Variants in TEX14 observed in about 807,000 individuals in gnomAD.
TEX14 encodes the protein testis expressed 14, intercellular bridge forming factor.
TEX14 carries 168 observed loss-of-function variants against 178.6 expected under a neutral mutation model. That is an observed-to-expected ratio of 0.94 (90% confidence interval 0.83 to 1.07). TEX14 has a LOEUF of 1.07. TEX14 is among the 50% of genes least tolerant of loss of function. TEX14 has a pLI of 0.00. For synonymous variants in TEX14, 626 were observed against 634.1 expected, an observed-to-expected ratio of 0.99 and a Z score of 0.19; for missense variants, 1,730 against 1,753.6, an observed-to-expected ratio of 0.99 and a Z score of 0.24.
chr17:58,588,870 G>C (rs530682263), intron 15 of TEX14, among the ~76,000 whole-genome samples: 9 of 152,136 alleles, frequency 5.9e-5, no homozygotes, highest in Non-Finnish European at 1.2e-4. Context: ...GTCAAGGCCA[G>C]CTTGTACAAC....
At chr17:58,563,624 TATATATATATATA>T (rs2044317810) in intron 28 of TEX14, among the ~76,000 whole-genome samples, 1 of 3,206 alleles carries the variant, frequency 3.1e-4, no homozygotes, top group African/African-American at 1.6e-3. Context: ...CTCTAATTTA[TATATATATATATA>T]TATATATATA....
intron 11 of TEX14, 30 bp downstream of exon 11, chr17:58,604,948 T>A (rs771020465): frequency 6.2e-7 from 1 of 1,613,118 alleles, no homozygotes; most frequent in Non-Finnish European, 8.5e-7. Flanking sequence ...GAATAGGGAC[T>A]TTGGTCAACC....
intron 11 of TEX14, among the ~76,000 whole-genome samples, chr17:58,603,045 A>C (rs913511215): frequency 2.6e-5 from 4 of 151,886 alleles, no homozygotes; most frequent in Admixed American, 2.0e-4. Context: ...CAGCCTAGCA[A>C]CAAAAACAGA....
intron 13 of TEX14, 109 bp downstream of exon 13, chr17:58,601,697 A>G (rs1267885927): frequency 2.9e-5 from 32 of 1,090,896 alleles, no homozygotes; most frequent in Non-Finnish European, 4.2e-5. Flanking sequence ...TTATCTCACA[A>G]AACAAACAAG....
chr17:58,593,789 T>A, intron 14 of TEX14, 128 bp from the exon 15 acceptor site: 1 of 772,772 alleles, frequency 1.3e-6, no homozygotes, highest in Non-Finnish European at 2.1e-6. Flanking sequence ...GATTTTCCTT[T>A]GCATGTTTCC....
chr17:58,686,574 G>A (rs552045733), intron 1 of TEX14, among the ~76,000 whole-genome samples: 2 of 152,250 alleles, frequency 1.3e-5, no homozygotes, highest in South Asian at 4.1e-4. Flanking sequence ...TGCTTGCAAA[G>A]CAAACAGAAA....
chr17:58,584,989 T>C (rs973318007), intron 18 of TEX14, among the ~76,000 whole-genome samples: 6 of 152,236 alleles, frequency 3.9e-5, no homozygotes, highest in African/African-American at 1.4e-4. Flanking sequence ...CCTTCATTTT[T>C]TTTAACCTGT....
In TEX14 at chr17:58,565,004, GA is replaced by G. The variant is rs544625333; in HGVS notation, c.3965-37del. ...TTGAAAGAATTAACTTTATTAGAAC[GA>G]AAAAAAAATTGAGAAAGCTTGCCTT... On this transcript the variant is annotated intron_variant, in intron 27 of 31. Coordinates refer to ENST00000349033, the MANE Select transcript of TEX14 (RefSeq NM_031272.5). 3.9e-4 allele frequency: 533 copies of G among 1,354,650 alleles called. 1 individual carries two copies. In the East Asian group the frequency reaches 5.7e-3, roughly 15 times the overall value. 83.9% of individuals were successfully genotyped at this position (1,354,650 alleles called of 1,614,324 possible).
chr17:58,578,726 G>A (rs2044739562), intron 20 of TEX14, among the ~76,000 whole-genome samples: 1 of 152,214 alleles, frequency 6.6e-6, no homozygotes, highest in Non-Finnish European at 1.5e-5. Flanking sequence ...GAAGAGGTGG[G>A]TGGCCCAAGG....
At chr17:58,652,232 A>AT (rs1555580558) in intron 1 of TEX14, among the ~76,000 whole-genome samples, 6 of 152,264 alleles carry the variant, frequency 3.9e-5, no homozygotes, top group Non-Finnish European at 5.9e-5. Flanking sequence ...ACAAGTAAAA[A>AT]ATATATATAT....
In TEX14 at chr17:58,668,690, T is replaced by C. The variant is rs187310365; in HGVS notation, c.-1-16688A>G. Among the ~76,000 whole-genome samples the C allele has an allele frequency of 3.4e-4, 52 of 151,874 alleles. No individual in the cohort carries two copies. The East Asian group carries it at 8.9e-3, about 26-fold the overall frequency. The stretch of plus-strand genomic sequence containing the variant: ...TGTAGTCATCCCCAGAGAGGACTTC[T>C]TTTTTTTATTTTTATGCACACACAG... On this transcript the variant is annotated intron_variant, in intron 1 of 31. Transcript: ENST00000349033.
At chr17:58,691,575 G>A (rs551653431) in intron 1 of TEX14, among the ~76,000 whole-genome samples, 10 of 150,806 alleles carry the variant, frequency 6.6e-5, no homozygotes, top group Admixed American at 1.3e-4. Context: ...GCTGAGGCAG[G>A]AGACTCACTT....
chr17:58,566,133 C>G (rs1028692396), intron 26 of TEX14, among the ~76,000 whole-genome samples: 1 of 152,160 alleles, frequency 6.6e-6, no homozygotes, highest in Non-Finnish European at 1.5e-5. Flanking sequence ...CCACACAACA[C>G]TCAAAATAGA....
At chr17:58,608,505 C>G (rs532284374) in intron 10 of TEX14, among the ~76,000 whole-genome samples, 1 of 149,632 alleles carries the variant, frequency 6.7e-6, no homozygotes, top group African/African-American at 2.5e-5. Flanking sequence ...TCGCTTGACG[C>G]TGGGAGGTTG....
At chr17:58,665,814 G>A (rs1351460951) in intron 1 of TEX14, among the ~76,000 whole-genome samples, 1 of 152,024 alleles carries the variant, frequency 6.6e-6, no homozygotes. Flanking sequence ...GGGAGGCCGA[G>A]GAGGGTGGAT....
intron 2 of TEX14, among the ~76,000 whole-genome samples, chr17:58,632,022 C>A (rs2046331531): frequency 6.6e-6 from 1 of 152,184 alleles, no homozygotes; most frequent in South Asian, 2.1e-4. Context: ...ATACTTTAGG[C>A]AATCACTGTA....
chr17:58,684,761 G>A lies in TEX14; in HGVS notation c.-2+7178C>T, dbSNP rs542986067. Among the ~76,000 whole-genome samples the A allele has an allele frequency of 3.3e-5, 5 of 152,240 alleles. No individual in the cohort carries two copies. The East Asian group carries it at 5.8e-4, about 18-fold the overall frequency. On this transcript the variant is annotated intron_variant, in intron 1 of 31. Coordinates refer to ENST00000349033, the MANE Select transcript of TEX14 (RefSeq NM_031272.5). ...AGGCAGAGGTGGGCAGATCACCTGA[G>A]GTCAGGAGTTCGAGATCAGCCTGGC...
At position 58,571,789 on chromosome 17, in the gene TEX14, C is replaced by CT; in HGVS notation, c.3717+131_3717+132insA. On this transcript the variant is annotated intron_variant, in intron 24 of 31. Transcript: ENST00000349033. Reference sequence around the variant, plus strand: ...CATAATATAGACTCAAGAGAGGAGTCCCAGGCAAGCCAGGAGAGGACCCAG... The same window carrying CT: ...CATAATATAGACTCAAGAGAGGAGTCTCCAGGCAAGCCAGGAGAGGACCCAG... 4.1e-6 allele frequency: 3 copies of CT among 731,594 alleles called. 1 individual carries two copies. The highest frequency in any genetic ancestry group is 4.5e-6 in the Non-Finnish European group (2 of 440,226). The allele number at this position is 731,594 out of a possible 1,614,324, so 45.3% of individuals were successfully genotyped here.
chr17:58,609,623 G>A (rs1003005442), intron 10 of TEX14, among the ~76,000 whole-genome samples: 14 of 152,272 alleles, frequency 9.2e-5, no homozygotes, highest in African/African-American at 2.6e-4. Flanking sequence ...CAGCATCCCA[G>A]TGTTCTTAAG....
Sources: gnomAD v4.1 joint callset for allele counts (sites outside exome capture counted in the v4.1 genomes callset) on GRCh38, gnomAD v4.1.1 for gene constraint, MANE v1.5 for transcripts, NCBI Gene and HGNC (gene_info 2026-07-23, HGNC 2026-07-21) for gene names.